ANKRD46: variants seen among roughly 807,000 people sequenced by gnomAD.
The protein encoded by ANKRD46 is ankyrin repeat domain-containing protein 46.
Under a neutral mutation model 19.8 loss-of-function variants are expected in ANKRD46, and 13 were observed. The observed-to-expected ratio is 0.66, with a 90% CI of 0.43 to 1.04. The LOEUF (loss-of-function observed/expected upper bound fraction) is 1.04. Among genes scored for constraint, ANKRD46 ranks in the 50% least tolerant of loss-of-function variants. The probability of loss-of-function intolerance (pLI) is 0.00; values close to 1 mark genes in which losing one functional copy is unlikely to be tolerated. For missense variants in ANKRD46, 185 were observed against 274.8 expected (o/e 0.67, Z 2.31); for synonymous variants, 91 against 106.9 (o/e 0.85, Z 0.92).
chr8:100,519,404 A>T (rs189344660), downstream of ANKRD46, among the ~76,000 whole-genome samples: 1 of 152,326 alleles, frequency 6.6e-6, no homozygotes, highest in Admixed American at 6.5e-5. Flanking sequence ...AGGGCAGGGC[A>T]AGAGCACAAG....
At chr8:100,523,101 G>C (rs1256148887) in intron 4 of ANKRD46, among the ~76,000 whole-genome samples, 1 of 151,930 alleles carries the variant, frequency 6.6e-6, no homozygotes, top group Non-Finnish European at 1.5e-5. Flanking sequence ...GCCAAGGAGG[G>C]AGGATCACTT....
rs906489425 is a variant in ANKRD46 at position 100,546,800 on chromosome 8, G to A, written c.-131+12911C>T. On this transcript the variant is annotated intron_variant, in intron 1 of 4. Coordinates refer to ENST00000335659, the MANE Select transcript of ANKRD46 (RefSeq NM_001270377.2). The surrounding 1 kb of genome is among the most constrained non-coding windows in gnomAD (Gnocchi z 4.0). ...CACAGGGACAAAGCTGCTCAAGGCCGTGGGAGCACACCCCTTGCATCAGCA... is the reference window on the plus strand; with the variant it reads ...CACAGGGACAAAGCTGCTCAAGGCCATGGGAGCACACCCCTTGCATCAGCA... Among the ~76,000 whole-genome samples the A allele has an allele frequency of 2.0e-5, 3 of 152,228 alleles. No individual in the cohort carries two copies. Among genetic ancestry groups the A allele is most frequent in the Admixed American group, 1.3e-4 (2 of 15,274 alleles).
At chr8:100,547,141 GA>G (rs1357103629) in intron 1 of ANKRD46, among the ~76,000 whole-genome samples, 1 of 152,206 alleles carries the variant, frequency 6.6e-6, no homozygotes. Context: ...GATTGGTTTT[GA>G]AATGTGAAAA....
chr8:100,520,783 A>T lies in ANKRD46; in HGVS notation c.*1772T>A. On this transcript the variant is annotated 3_prime_UTR_variant, in exon 5 of 5. Coordinates refer to ENST00000335659, the MANE Select transcript of ANKRD46 (RefSeq NM_001270377.2). ...AAGAGAAATCGTGATTAAGGGATAT[A>T]TAAATACATTTATTGGTGGTATTCC... is the stretch of plus-strand genomic sequence containing the variant. 4 of 977,236 alleles carry T rather than the reference A, an allele frequency of 4.1e-6. No homozygotes were observed. The highest frequency in any genetic ancestry group is 4.9e-6 in the Non-Finnish European group (4 of 822,920). The allele number at this position is 977,236 out of a possible 1,614,324, so 60.5% of individuals were successfully genotyped here.
rs371298147 is a variant in ANKRD46, at chr8:100,511,529, CTG to C, written c.637-892_637-891del. On this transcript the variant is annotated intron_variant, in intron 5 of 5. Coordinates refer to the ANKRD46 transcript ENST00000520552. This position sits in a 1 kb window ranked among gnomAD's most constrained non-coding sequence, Gnocchi z 4.1. ...CATCTATTCTTGTAACTCAGAAGCACTGTGTTTCTCATTACTACTTATTTTAT... is the reference window on the plus strand; with the variant it reads ...CATCTATTCTTGTAACTCAGAAGCACTGTTTCTCATTACTACTTATTTTAT... Among the ~76,000 whole-genome samples the C allele has an allele frequency of 7.2e-5, 11 of 152,164 alleles. No homozygotes were observed. The highest frequency in any genetic ancestry group is 1.9e-4 in the African/African-American group (8 of 41,502).
intron 1 of ANKRD46, chr8:100,551,575 A>G: frequency 1.3e-6 from 1 of 750,644 alleles, no homozygotes; most frequent in Non-Finnish European, 2.3e-6. Context: ...AAATACTGGA[A>G]CATGCAGACC....
chr8:100,528,781 C>T (rs1811896295), intron 3 of ANKRD46, among the ~76,000 whole-genome samples: 1 of 152,068 alleles, frequency 6.6e-6, no homozygotes, highest in South Asian at 2.1e-4. Context: ...GAAACAAAAG[C>T]ATTTACTGTC....
At position 100,529,814 on chromosome 8, in the gene ANKRD46, T is replaced by A; in HGVS notation, c.20A>T (p.Asn7Ile). ...GGGCACGTTAGTCTGAGAAGAATCA[T>A]TTACAAAAACATACGACATTGTTCT... MSYVFV[N>I]DSSQTNVPLL... The change falls in exon 3 of 5, where the codon AAT becomes ATT. Residue 7 changes from asparagine (N) to isoleucine (I), a missense_variant. Asn to Ile is a moderately radical substitution (Grantham distance 149). Coordinates refer to ENST00000335659, the MANE Select transcript of ANKRD46 (RefSeq NM_001270377.2). This position sits in a 1 kb window ranked among gnomAD's most constrained non-coding sequence, Gnocchi z 5.8. 6.2e-7 allele frequency: 1 copy of A among 1,614,064 alleles called. No homozygotes were observed. The highest frequency in any genetic ancestry group is 8.5e-7 in the Non-Finnish European group (1 of 1,179,950).
rs1447745900 is a variant in ANKRD46, at chr8:100,534,098, T to C, written c.-130-787A>G. On this transcript the variant is annotated intron_variant, in intron 1 of 4. Transcript: ENST00000335659. This position sits in a 1 kb window ranked among gnomAD's most constrained non-coding sequence, Gnocchi z 4.2. ...CACTGTGTGCCTGCAATGTGCCAGA[T>C]ACCATGCTATCAAGTCCAAATCCCA... Among the ~76,000 whole-genome samples the C allele has an allele frequency of 1.3e-5, 2 of 152,258 alleles. No homozygotes were observed. The highest frequency in any genetic ancestry group is 4.8e-5 in the African/African-American group (2 of 41,470).
At chr8:100,554,085 T>C (rs1812447025) in intron 1 of ANKRD46, among the ~76,000 whole-genome samples, 1 of 152,252 alleles carries the variant, frequency 6.6e-6, no homozygotes, top group East Asian at 1.9e-4. Flanking sequence ...CTTCAGCATA[T>C]GTGTGTTTAA....
intron 1 of ANKRD46, among the ~76,000 whole-genome samples, chr8:100,541,624 C>A (rs900647000): frequency 2.6e-5 from 4 of 152,162 alleles, no homozygotes; most frequent in African/African-American, 9.7e-5. Flanking sequence ...TTAACTCAAT[C>A]TCATTATTTT....
At position 100,546,429 on chromosome 8, in the gene ANKRD46, A is replaced by G. The variant is rs1335156543; in HGVS notation, c.-130-13118T>C. The stretch of plus-strand genomic sequence containing the variant: ...ATTGCTTCAGAGGGTGCGGGCCCCA[A>G]GCCTTGGCAGCTTCCATGTGGTGTT... On this transcript the variant is annotated intron_variant, in intron 1 of 4. Transcript: ENST00000335659. The surrounding 1 kb of genome is among the most constrained non-coding windows in gnomAD (Gnocchi z 4.0). Among the ~76,000 whole-genome samples the G allele has an allele frequency of 6.6e-6, 1 of 152,282 alleles. No homozygotes were observed. The highest frequency in any genetic ancestry group is 2.4e-5 in the African/African-American group (1 of 41,474).
rs1812027835 is a variant in ANKRD46 at position 100,534,649 on chromosome 8, T to C, written c.-130-1338A>G. Reference sequence around the variant, plus strand: ...TATTCTGGATGTGGTAGAGCTCACATTAGGGAAAAAGAAAAAATTTTGTTT... The same window carrying C: ...TATTCTGGATGTGGTAGAGCTCACACTAGGGAAAAAGAAAAAATTTTGTTT... On this transcript the variant is annotated intron_variant, in intron 1 of 4. Transcript: ENST00000335659. This position sits in a 1 kb window ranked among gnomAD's most constrained non-coding sequence, Gnocchi z 4.2. Among the ~76,000 whole-genome samples the C allele has an allele frequency of 6.6e-6, 1 of 152,198 alleles. No homozygotes were observed. Among genetic ancestry groups the C allele is most frequent in the Admixed American group, 6.5e-5 (1 of 15,276 alleles).
intron 1 of ANKRD46, among the ~76,000 whole-genome samples, chr8:100,540,671 T>C (rs1812157825): frequency 6.6e-6 from 1 of 152,222 alleles, no homozygotes; most frequent in African/African-American, 2.4e-5. Flanking sequence ...CTATTATTTG[T>C]TTGCATTATT....
In ANKRD46 at chr8:100,524,503, C is replaced by CTTT. The variant is rs36068309; in HGVS notation, c.471-1735_471-1733dup. Among the ~76,000 whole-genome samples the CTTT allele has an allele frequency of 6.7e-6, 1 of 148,538 alleles. No homozygotes were observed. Among genetic ancestry groups the CTTT allele is most frequent in the East Asian group, 2.0e-4 (1 of 5,106 alleles). On this transcript the variant is annotated intron_variant, in intron 4 of 4. Transcript: ENST00000335659. This position sits in a 1 kb window ranked among gnomAD's most constrained non-coding sequence, Gnocchi z 4.3. Reference sequence around the variant, plus strand: ...TGGGCCAGTCTGCTTAACACCCAAACTTTTTTTTTTTTAATAATTAAAACA... The same window carrying CTTT: ...TGGGCCAGTCTGCTTAACACCCAAACTTTTTTTTTTTTTTTAATAATTAAAACA...
chr8:100,510,506 G>T lies in ANKRD46; in HGVS notation c.*71C>A. The T allele has an allele frequency of 7.0e-7, 1 of 1,424,284 alleles. No individual in the cohort carries two copies. 88.2% of individuals were successfully genotyped at this position (1,424,284 alleles called of 1,614,324 possible). A position where few individuals can be genotyped will look rare whatever the true frequency, so the allele number is the denominator to read the frequency against. On this transcript the variant is annotated 3_prime_UTR_variant, in exon 6 of 6. Transcript: ENST00000520552. This position sits in a 1 kb window ranked among gnomAD's most constrained non-coding sequence, Gnocchi z 4.9. ...GTGACGGAAACAGCCCCACCCAACA[G>T]GGACGCTGACGTCTGTATCCCTTCT...
Position 100,525,960 on chromosome 8 carries a change from G to A in ANKRD46, c.470+1885C>T, listed in dbSNP as rs1408964958. Among the ~76,000 whole-genome samples the A allele has an allele frequency of 6.6e-6, 1 of 151,984 alleles. No homozygotes were observed. The highest frequency in any genetic ancestry group is 1.5e-5 in the Non-Finnish European group (1 of 67,956). On this transcript the variant is annotated intron_variant, in intron 4 of 4. Coordinates refer to ENST00000335659, the MANE Select transcript of ANKRD46 (RefSeq NM_001270377.2). This position sits in a 1 kb window ranked among gnomAD's most constrained non-coding sequence, Gnocchi z 4.4. ...TGGGTGTGAAGTGGCATTTCACTAT[G>A]GTCCTCATTTGCATTTTCCTAATGA...
Position 100,544,660 on chromosome 8 carries a change from G to A in ANKRD46, c.-130-11349C>T, listed in dbSNP as rs1812236869. Among the ~76,000 whole-genome samples the A allele has an allele frequency of 1.3e-5, 2 of 152,170 alleles. No homozygotes were observed. On this transcript the variant is annotated intron_variant, in intron 1 of 4. Coordinates refer to ENST00000335659, the MANE Select transcript of ANKRD46 (RefSeq NM_001270377.2). This position sits in a 1 kb window ranked among gnomAD's most constrained non-coding sequence, Gnocchi z 4.4. The stretch of plus-strand genomic sequence containing the variant: ...GCCATTTTCTAAGGCACTATCTTGA[G>A]TAGTCCAACTCTAAGAGTCCCAGTT...
At position 100,525,988 on chromosome 8, in the gene ANKRD46, T is replaced by C. The variant is rs1811834026; in HGVS notation, c.470+1857A>G. 6.6e-6 allele frequency among the ~76,000 whole-genome samples: 1 copy of C among 152,212 alleles called. No homozygotes were observed. The highest frequency in any genetic ancestry group is 1.5e-5 in the Non-Finnish European group (1 of 68,030). On this transcript the variant is annotated intron_variant, in intron 4 of 4. Coordinates refer to ENST00000335659, the MANE Select transcript of ANKRD46 (RefSeq NM_001270377.2). This position sits in a 1 kb window ranked among gnomAD's most constrained non-coding sequence, Gnocchi z 4.4. ...CCTCATTTGCATTTTCCTAATGACATTACCTTTCAACTTTCTGATTTAAGC... is the reference window on the plus strand; with the variant it reads ...CCTCATTTGCATTTTCCTAATGACACTACCTTTCAACTTTCTGATTTAAGC...
Sources: allele counts gnomAD v4.1 joint callset (sites outside exome capture counted in the v4.1 genomes callset), GRCh38; gene constraint gnomAD v4.1.1; non-coding constraint Gnocchi (gnomAD v3.1); transcripts MANE v1.5; gene names NCBI Gene and HGNC (gene_info 2026-07-23, HGNC 2026-07-21).